Variants in GALNT7 observed in about 807,000 individuals in gnomAD.
GALNT7 encodes the protein N-acetylgalactosaminyltransferase 7.
GALNT7 carries 60 observed loss-of-function variants against 82.1 expected under a neutral mutation model. That is an observed-to-expected ratio of 0.73 (90% CI 0.59 to 0.91). The LOEUF is 0.91. Among genes scored for constraint, GALNT7 ranks in the 40% least tolerant of loss-of-function variants. The pLI, the probability that GALNT7 is intolerant of heterozygous loss-of-function variation, is 0.00. For missense variants in GALNT7, 660 were observed against 804.2 expected, an observed-to-expected ratio of 0.82 and a Z score of 2.17; for synonymous variants, 243 against 275.1, an observed-to-expected ratio of 0.88 and a Z score of 1.15.
chr4:173,264,437 T>C (rs1735403442), intron 2 of GALNT7, among the ~76,000 whole-genome samples: 1 of 152,198 alleles, frequency 6.6e-6, no homozygotes, highest in Non-Finnish European at 1.5e-5. Context: ...CCCAATACGG[T>C]GTGAGTTCTC....
intron 8 of GALNT7, among the ~76,000 whole-genome samples, chr4:173,306,085 T>C (rs1561198303): frequency 6.6e-6 from 1 of 152,204 alleles, no homozygotes; most frequent in Non-Finnish European, 1.5e-5. Flanking sequence ...CAGTGTTTTA[T>C]AGTTTTCAGC....
chr4:173,189,368 T>C (rs1234664106), intron 1 of GALNT7, among the ~76,000 whole-genome samples: 2 of 152,240 alleles, frequency 1.3e-5, no homozygotes, highest in African/African-American at 4.8e-5. Context: ...CGTTAAGTGG[T>C]TCCTTGACTC....
At position 173,186,147 on chromosome 4, in the gene GALNT7, T is replaced by TA. The variant is rs972613575; in HGVS notation, c.126+17195dup. 1.2e-4 allele frequency among the ~76,000 whole-genome samples: 18 copies of TA among 151,920 alleles called. No individual in the cohort carries two copies. In the East Asian group the frequency reaches 2.9e-3, roughly 24 times the overall value. ...GTCTGAAGGATGAGTGGGTCTATTTTAAAAAAAAATTGCGTTGATAACCAT... is the reference window on the plus strand; with the variant it reads ...GTCTGAAGGATGAGTGGGTCTATTTTAAAAAAAAAATTGCGTTGATAACCAT... On this transcript the variant is annotated intron_variant, in intron 1 of 11. Transcript: ENST00000265000.
chr4:173,247,914 C>A (rs1004522012), intron 1 of GALNT7, 66 bp from the exon 2 acceptor site: 25 of 1,040,870 alleles, frequency 2.4e-5, no homozygotes, highest in Middle Eastern at 6.1e-4. Context: ...GAAAATTGGT[C>A]TCATGAGCTC....
intron 1 of GALNT7, among the ~76,000 whole-genome samples, chr4:173,228,544 G>A (rs1056480752): frequency 6.6e-5 from 10 of 151,938 alleles, no homozygotes; most frequent in African/African-American, 2.4e-4. Context: ...TAGTATACAG[G>A]CTGCAGTGAG....
At chr4:173,304,752 C>T (rs1290267586) in intron 8 of GALNT7, among the ~76,000 whole-genome samples, 4 of 152,030 alleles carry the variant, frequency 2.6e-5, no homozygotes, top group Admixed American at 2.6e-4. Context: ...CTTGTTTACA[C>T]TCCACATGTA....
chr4:173,238,615 G>A (rs1029861533), intron 1 of GALNT7, among the ~76,000 whole-genome samples: 1 of 152,020 alleles, frequency 6.6e-6, no homozygotes, highest in Non-Finnish European at 1.5e-5. Flanking sequence ...ACAAAACGAT[G>A]TATTAACTGT....
At chr4:173,185,426 A>AC (rs1344783902) in intron 1 of GALNT7, among the ~76,000 whole-genome samples, 1 of 151,910 alleles carries the variant, frequency 6.6e-6, no homozygotes, top group Non-Finnish European at 1.5e-5. Context: ...AAAAAAAAAA[A>AC]AGTGGAAAAA....
chr4:173,209,063 T>A (rs1733189969), intron 1 of GALNT7, among the ~76,000 whole-genome samples: 1 of 152,194 alleles, frequency 6.6e-6, no homozygotes. Context: ...AATACAAAGT[T>A]TTGAAGTACT....
chr4:173,183,814 G>A (rs1441619707), intron 1 of GALNT7, among the ~76,000 whole-genome samples: 1 of 151,474 alleles, frequency 6.6e-6, no homozygotes, highest in East Asian at 2.0e-4. Flanking sequence ...GCGGCTGGCC[G>A]GGCGGGGACT....
chr4:173,234,239 G>A (rs560802887), intron 1 of GALNT7, among the ~76,000 whole-genome samples: 8 of 152,216 alleles, frequency 5.3e-5, no homozygotes, highest in South Asian at 2.1e-4. Context: ...TCCTCAAGGC[G>A]GGATCCAAGA....
intron 1 of GALNT7, among the ~76,000 whole-genome samples, chr4:173,178,052 T>TGTGTGTGCGCGCGCGCGC (rs563102408): frequency 2.1e-4 from 27 of 129,514 alleles, no homozygotes; most frequent in African/African-American, 5.8e-4. Context: ...TGTGTGTGTG[T>TGTGTGTGCGCGCGCGCGC]GCGCGCACGC....
In GALNT7 at chr4:173,292,314, T is replaced by A; in HGVS notation, c.754+40T>A. 7.7e-6 allele frequency: 10 copies of A among 1,292,680 alleles called. No individual in the cohort carries two copies. Among genetic ancestry groups the A allele is most frequent in the Non-Finnish European group, 1.1e-5 (10 of 925,402 alleles). The allele number at this position is 1,292,680 out of a possible 1,614,324, so 80.1% of individuals were successfully genotyped here. On this transcript the variant is annotated intron_variant, in intron 3 of 11. Coordinates refer to ENST00000265000, the MANE Select transcript of GALNT7 (RefSeq NM_017423.3). This position sits in a 1 kb window ranked among gnomAD's most constrained non-coding sequence, Gnocchi z 4.8. ...ACTCACATTTTGTCTATAAAATAAG[T>A]TAAGCATGAATAATTGCAAAAAGGT...
At chr4:173,256,511 A>AT (rs1041385901) in intron 2 of GALNT7, among the ~76,000 whole-genome samples, 3 of 145,312 alleles carry the variant, frequency 2.1e-5, no homozygotes, top group Non-Finnish European at 3.0e-5. Context: ...CATTGTCCCT[A>AT]TTTTTTTTTT....
At chr4:173,269,902 G>T (rs567178904) in intron 2 of GALNT7, among the ~76,000 whole-genome samples, 3 of 152,182 alleles carry the variant, frequency 2.0e-5, no homozygotes, top group African/African-American at 7.2e-5. Flanking sequence ...ATCAAAAGTT[G>T]CAGTCATGAT....
chr4:173,210,266 T>C (rs749828714), intron 1 of GALNT7, among the ~76,000 whole-genome samples: 6 of 152,150 alleles, frequency 3.9e-5, no homozygotes, highest in African/African-American at 1.4e-4. Context: ...AAGAAACCTA[T>C]GCTTCGGAGT....
intron 1 of GALNT7, among the ~76,000 whole-genome samples, chr4:173,176,205 A>C (rs1215927276): frequency 1.3e-5 from 2 of 152,234 alleles, no homozygotes; most frequent in Non-Finnish European, 2.9e-5. Flanking sequence ...TCTGGCGGAA[A>C]AGCATTCCAG....
Position 173,303,977 on chromosome 4 carries a change from AC to A in GALNT7, c.1267-18del. 1.3e-6 allele frequency: 2 copies of A among 1,590,414 alleles called. No homozygotes were observed. Among genetic ancestry groups the A allele is most frequent in the Non-Finnish European group, 1.7e-6 (2 of 1,169,450 alleles). ...GTTTGTATTTGAAACAACTTTCACA[AC>A]GTGTTTTTCCTTCATAGATATGGCA... On this transcript the variant is annotated intron_variant, in intron 7 of 11. Transcript: ENST00000265000.
rs1199917776 is a variant in GALNT7 at position 173,182,751 on chromosome 4, AC to A, written c.126+13791del. 9.4e-4 allele frequency among the ~76,000 whole-genome samples: 140 copies of A among 149,580 alleles called. 4 individuals are homozygous for A. In the East Asian group the frequency reaches 0.025, roughly 26 times the overall value. ...GGTTACTCTTAATACACACACACACACACACACACACACAGACACAACAGCG... is the reference window on the plus strand; with the variant it reads ...GGTTACTCTTAATACACACACACACAACACACACACACAGACACAACAGCG... On this transcript the variant is annotated intron_variant, in intron 1 of 11. Coordinates refer to ENST00000265000, the MANE Select transcript of GALNT7 (RefSeq NM_017423.3).
Sources: gnomAD v4.1 joint callset for allele counts (sites outside exome capture counted in the v4.1 genomes callset) on GRCh38, gnomAD v4.1.1 for gene constraint, Gnocchi (gnomAD v3.1) non-coding constraint, MANE v1.5 for transcripts, NCBI Gene and HGNC (gene_info 2026-07-23, HGNC 2026-07-21) for gene names.